Variants in PCDHGA1 observed in about 807,000 individuals in gnomAD.
PCDHGA1 encodes protocadherin gamma-A1.
A neutral mutation model predicts 58.0 loss-of-function variants in PCDHGA1; 32 were observed. That is an observed-to-expected ratio of 0.55 (90% CI 0.42 to 0.74). PCDHGA1 has a LOEUF of 0.74. Among genes scored for constraint, PCDHGA1 ranks in the 30% least tolerant of loss-of-function variants. The pLI is 0.00. For synonymous variants in PCDHGA1, 498 were observed against 501.1 expected (o/e 0.99, Z 0.08); for missense variants, 1,205 against 1,182.3 (o/e 1.02, Z -0.28).
rs188916402 is a variant in PCDHGA1, at chr5:141,473,975, G to A, written c.2422-20832G>A. 4.6e-5 allele frequency among the ~76,000 whole-genome samples: 7 copies of A among 152,222 alleles called. No homozygotes were observed. The East Asian group carries it at 7.7e-4, about 17-fold the overall frequency. ...TCCCATCTACTTAGAAGTCTGAGGCGGGAGGATCCCTTGAGCCCAAGGAGC... is the reference window on the plus strand; with the variant it reads ...TCCCATCTACTTAGAAGTCTGAGGCAGGAGGATCCCTTGAGCCCAAGGAGC... On this transcript the variant is annotated intron_variant, in intron 1 of 3. Transcript: ENST00000517417.
At position 141,361,783 on chromosome 5, in the gene PCDHGA1, G is replaced by C. The variant is rs375966726; in HGVS notation, c.2421+28678G>C. ...GCTCAGCGCCAACGTGAGCCTGCGC[G>C]TGTTAGTGGGCGACCTCAATGACAA... On this transcript the variant is annotated intron_variant, in intron 1 of 3. Transcript: ENST00000517417. 68 of 1,613,126 alleles carry C rather than the reference G, an allele frequency of 4.2e-5. No homozygotes were observed. In the African/African-American group the frequency reaches 5.5e-4, roughly 13 times the overall value.
intron 1 of PCDHGA1, chr5:141,357,136 G>A: frequency 1.2e-6 from 2 of 1,613,540 alleles, no homozygotes; most frequent in Non-Finnish European, 1.7e-6. Context: ...TGTAGTGGTC[G>A]TCCAGGACCA....
rs754836894 is a variant in PCDHGA1 at position 141,432,969 on chromosome 5, C to G, written c.2422-61838C>G. ...GGAGGCGGCTTGACAGGAGCGCCGG[C>G]GTCGCACTTTGTGGGCGTGGACGGG... On this transcript the variant is annotated intron_variant, in intron 1 of 3. Coordinates refer to ENST00000517417, the MANE Select transcript of PCDHGA1 (RefSeq NM_018912.3). The surrounding 1 kb of genome is among the most constrained non-coding windows in gnomAD (Gnocchi z 6.0). 5.0e-6 allele frequency: 8 copies of G among 1,614,030 alleles called. No homozygotes were observed. In the Admixed American group the frequency reaches 5.0e-5, roughly 10 times the overall value.
intron 1 of PCDHGA1, among the ~76,000 whole-genome samples, chr5:141,467,404 C>T (rs1032912609): frequency 1.3e-5 from 2 of 151,864 alleles, no homozygotes; most frequent in African/African-American, 4.8e-5. Context: ...AGTTAGAAAG[C>T]CTTTCCCCAC....
At chr5:141,458,645 C>T (rs1162232847) in intron 1 of PCDHGA1, among the ~76,000 whole-genome samples, 2 of 152,170 alleles carry the variant, frequency 1.3e-5, no homozygotes, top group Non-Finnish European at 2.9e-5. Flanking sequence ...TCCCAGCTCA[C>T]TGCAACCTCC....
intron 1 of PCDHGA1, chr5:141,371,832 G>C (rs765040359): frequency 6.2e-7 from 1 of 1,613,780 alleles, no homozygotes. Context: ...CTCGGATCCC[G>C]ACTTGGGACC....
At chr5:141,508,896 C>A (rs1171693212) in intron 3 of PCDHGA1, among the ~76,000 whole-genome samples, 1 of 151,862 alleles carries the variant, frequency 6.6e-6, no homozygotes, top group Non-Finnish European at 1.5e-5. Context: ...GGGGAGGGGG[C>A]GGGGCGGTGG....
At chr5:141,505,298 T>TA in intron 2 of PCDHGA1, 95 bp from the exon 3 acceptor site, 1 of 1,586,334 alleles carries the variant, frequency 6.3e-7, no homozygotes, top group Non-Finnish European at 8.6e-7. Context: ...GGGGTAGGGT[T>TA]AGGGTACTAG....
At position 141,399,354 on chromosome 5, in the gene PCDHGA1, G is replaced by A. The variant is rs559321354; in HGVS notation, c.2421+66249G>A. The A allele has an allele frequency of 3.7e-6, 6 of 1,614,008 alleles. No homozygotes were observed. The Admixed American group carries it at 1.0e-4, about 27-fold the overall frequency. On this transcript the variant is annotated intron_variant, in intron 1 of 3. Coordinates refer to ENST00000517417, the MANE Select transcript of PCDHGA1 (RefSeq NM_018912.3). ...TAACAGATGGAACCCTAGACCGAGA[G>A]CAAACCCCGGAGTACAATGTCACCA...
At chr5:141,336,887 A>T (rs1756643154) in intron 1 of PCDHGA1, among the ~76,000 whole-genome samples, 1 of 152,202 alleles carries the variant, frequency 6.6e-6, no homozygotes, top group African/African-American at 2.4e-5. Context: ...CAAATCATGT[A>T]TCTGAGAATG....
chr5:141,339,269 G>T lies in PCDHGA1; in HGVS notation c.2421+6164G>T, dbSNP rs373238461. Reference sequence around the variant, plus strand: ...CCGGGAGGAGCTCTGCGCTCAGAGCGCACCCTGTCTGTTGAATTTTAACAT... The same window carrying T: ...CCGGGAGGAGCTCTGCGCTCAGAGCTCACCCTGTCTGTTGAATTTTAACAT... On this transcript the variant is annotated intron_variant, in intron 1 of 3. Coordinates refer to ENST00000517417, the MANE Select transcript of PCDHGA1 (RefSeq NM_018912.3). 4 of 1,614,054 alleles carry T rather than the reference G, an allele frequency of 2.5e-6. No homozygotes were observed. The African/African-American group carries it at 5.3e-5, about 22-fold the overall frequency.
In PCDHGA1 at chr5:141,331,757, A is replaced by C; in HGVS notation, c.1073A>C (p.Glu358Ala). 6.2e-7 allele frequency: 1 copy of C among 1,614,180 alleles called. No individual in the cohort carries two copies. The highest frequency in any genetic ancestry group is 1.3e-5 in the African/African-American group (1 of 75,060). ...TITSVTTAVPENFPPGTIIAL... is the reference protein window; with the variant it reads ...TITSVTTAVPANFPPGTIIAL... Reference sequence around the variant, plus strand: ...ACCTCTGTCACCACTGCAGTTCCAGAAAACTTTCCTCCTGGGACCATAATT... The same window carrying C: ...ACCTCTGTCACCACTGCAGTTCCAGCAAACTTTCCTCCTGGGACCATAATT... Residue 358 changes from glutamate to alanine, a missense_variant, in exon 1 of 4, where the codon GAA becomes GCA. By Grantham distance (107) the Glu-to-Ala change is moderately radical. Coordinates refer to ENST00000517417, the MANE Select transcript of PCDHGA1 (RefSeq NM_018912.3).
intron 1 of PCDHGA1, chr5:141,414,697 T>C (rs748722995): frequency 6.2e-7 from 1 of 1,614,036 alleles, no homozygotes; most frequent in Non-Finnish European, 8.5e-7. Flanking sequence ...TCTGTCCTCA[T>C]ACATATCCAT....
intron 1 of PCDHGA1, among the ~76,000 whole-genome samples, chr5:141,401,116 G>A (rs763920346): frequency 1.3e-5 from 2 of 152,036 alleles, no homozygotes; most frequent in African/African-American, 2.4e-5. Flanking sequence ...GGCCGAGGCG[G>A]TTGGATCACA....
At chr5:141,361,935 C>A (rs1430503003) in intron 1 of PCDHGA1, 3 of 1,605,956 alleles carry the variant, frequency 1.9e-6, no homozygotes, top group Admixed American at 1.7e-5. Flanking sequence ...ACTCAGGACA[C>A]AACGCTTGGC....
intron 1 of PCDHGA1, chr5:141,478,608 G>C (rs751033009): frequency 7.7e-6 from 12 of 1,558,942 alleles, no homozygotes; most frequent in Middle Eastern, 1.7e-4. Context: ...ATCATATTGA[G>C]GAAGGAATGG....
intron 1 of PCDHGA1, chr5:141,402,898 T>C: frequency 6.6e-7 from 1 of 1,512,304 alleles, no homozygotes; most frequent in Non-Finnish European, 8.8e-7. Context: ...AGAAAGAACC[T>C]GATGAAGCAG....
At chr5:141,355,932 G>A (rs139771811) in intron 1 of PCDHGA1, 13 of 1,613,772 alleles carry the variant, frequency 8.1e-6, no homozygotes, top group Non-Finnish European at 1.0e-5. Flanking sequence ...TGTTCACTCA[G>A]CCCGAGTACC....
chr5:141,433,299 T>G, intron 1 of PCDHGA1: 1 of 995,012 alleles, frequency 1.0e-6, no homozygotes, highest in Non-Finnish European at 1.5e-6. Flanking sequence ...GCTCAAGCAA[T>G]TATCCCACCT....
Sources: allele counts gnomAD v4.1 joint callset (sites outside exome capture counted in the v4.1 genomes callset), GRCh38; gene constraint gnomAD v4.1.1; non-coding constraint Gnocchi (gnomAD v3.1); transcripts MANE v1.5; gene names NCBI Gene and HGNC (gene_info 2026-07-23, HGNC 2026-07-21).